Variants in PRDM12 observed in about 807,000 individuals in gnomAD.
PRDM12 encodes the protein PR/SET domain 12.
A neutral mutation model predicts 29.6 loss-of-function variants in PRDM12; 17 were observed. The ratio of observed to expected loss-of-function variants is 0.57; its 90% CI spans 0.39 to 0.86. The LOEUF (loss-of-function observed/expected upper bound fraction) is 0.86, where lower values mean the gene tolerates loss of function less well. Ranked by LOEUF, PRDM12 falls within the 40% of genes least tolerant of loss-of-function variation. PRDM12 has a pLI of 0.00. For missense variants in PRDM12, 422 were observed against 510.8 expected (o/e 0.83, Z 1.68); for synonymous variants, 231 against 225.8 (o/e 1.02, Z -0.21).
intron 3 of PRDM12, among the ~76,000 whole-genome samples, chr9:130,672,907 T>A (rs1268494788): frequency 6.6e-6 from 1 of 152,086 alleles, no homozygotes; most frequent in Non-Finnish European, 1.5e-5. Context: ...ATAATAAAAA[T>A]TCAGAAAGTG....
rs757952444 is a variant in PRDM12, at chr9:130,666,784, A to C, written c.400A>C (p.Asn134His). The change falls in exon 2 of 5, where the codon AAC (asparagine) becomes CAC (histidine). Residue 134 changes from asparagine to histidine, a missense_variant. Asn to His is a moderately conservative substitution (Grantham distance 68). Around this residue, in one of 5 missense-constraint regions of PRDM12, gnomAD observed 300 missense variants for 350.0 expected, o/e 0.86. Coordinates refer to ENST00000253008, the MANE Select transcript of PRDM12 (RefSeq NM_021619.3). ...GCACGTGGACATCTGCAAGAACAAC[A>C]ACCTCATGTGGGAGGTACGCGCGGG... ...PEHVDICKNN[N>H]LMWEVFNEDG... The C allele has an allele frequency of 6.2e-6, 10 of 1,610,276 alleles. No individual in the cohort carries two copies. The Admixed American group carries it at 6.7e-5, about 11-fold the overall frequency.
intron 3 of PRDM12, among the ~76,000 whole-genome samples, chr9:130,677,437 A>G (rs921172010): frequency 2.6e-5 from 4 of 152,212 alleles, no homozygotes; most frequent in African/African-American, 9.6e-5. Context: ...TCTAGATGGA[A>G]TCCCATGCGA....
chr9:130,667,068 G>C (rs1019811691), intron 2 of PRDM12, among the ~76,000 whole-genome samples: 1 of 152,206 alleles, frequency 6.6e-6, no homozygotes. Flanking sequence ...CTTGGCAGAT[G>C]AGGGCACTGA....
rs965981905 is a variant in PRDM12, at chr9:130,668,182, C to T, written c.439C>T (p.Arg147Cys). 1.7e-5 allele frequency: 27 copies of T among 1,614,108 alleles called. No homozygotes were observed. Among genetic ancestry groups the T allele is most frequent in the Middle Eastern group, 3.3e-4 (2 of 6,062 alleles). The change falls in exon 3 of 5, where the codon CGC (arginine) becomes TGC (cysteine). Residue 147 changes from arginine to cysteine, a missense_variant. Physicochemically the swap from Arg to Cys is radical, Grantham distance 180. Transcript: ENST00000253008. This position sits in a 1 kb window ranked among gnomAD's most constrained non-coding sequence, Gnocchi z 4.0. ...WEVFNEDGTV[R>C]YFIDASQEDH... ...GGTGTTCAATGAGGATGGCACGGTG[C>T]GCTACTTCATCGATGCCAGCCAGGA...
At chr9:130,680,902 TAG>T (rs1238683164) in intron 4 of PRDM12, among the ~76,000 whole-genome samples, 1 of 151,876 alleles carries the variant, frequency 6.6e-6, no homozygotes, top group Non-Finnish European at 1.5e-5. Flanking sequence ...AGACCTTTCA[TAG>T]ACGTCTTTTC....
intron 2 of PRDM12, among the ~76,000 whole-genome samples, chr9:130,667,561 A>G (rs939831726): frequency 6.6e-6 from 1 of 151,372 alleles, no homozygotes; most frequent in African/African-American, 2.4e-5. Context: ...GAGAAGCCCA[A>G]CTTGATAGAA....
intron 1 of PRDM12, among the ~76,000 whole-genome samples, chr9:130,665,517 T>C (rs1204773932): frequency 6.6e-6 from 1 of 152,120 alleles, no homozygotes; most frequent in Non-Finnish European, 1.5e-5. Flanking sequence ...TCTCTTAATT[T>C]ACCGTGAAGA....
intron 3 of PRDM12, among the ~76,000 whole-genome samples, chr9:130,669,813 C>A (rs1830771162): frequency 9.8e-6 from 1 of 102,362 alleles, no homozygotes; most frequent in Non-Finnish European, 1.8e-5. Context: ...GAGACTCCAT[C>A]TCAAAAAAAA....
chr9:130,668,237 A>G lies in PRDM12; in HGVS notation c.494A>G (p.Lys165Arg), dbSNP rs1420942356. 6 of 1,614,190 alleles carry G rather than the reference A, an allele frequency of 3.7e-6. No individual in the cohort carries two copies. In the East Asian group the frequency reaches 1.1e-4, roughly 30 times the overall value. The change falls in exon 3 of 5, where the codon AAG becomes AGG. Residue 165 changes from lysine to arginine, a missense_variant. Physicochemically the swap from Lys to Arg is conservative, Grantham distance 26 (BLOSUM62 2). This residue lies in a region of PRDM12 where 300 missense variants were observed against 350.0 expected (regional missense o/e 0.86). Coordinates refer to ENST00000253008, the MANE Select transcript of PRDM12 (RefSeq NM_021619.3). The surrounding 1 kb of genome is among the most constrained non-coding windows in gnomAD (Gnocchi z 4.0). ...CACCGGAGCTGGATGACCTACATCA[A>G]GTGTGCACGTAACGAACAGGAGCAG... ...EDHRSWMTYIKCARNEQEQNL... is the reference protein window; with the variant it reads ...EDHRSWMTYIRCARNEQEQNL...
chr9:130,676,568 C>CA (rs763123176), intron 3 of PRDM12, among the ~76,000 whole-genome samples: 2 of 152,196 alleles, frequency 1.3e-5, no homozygotes, highest in Non-Finnish European at 2.9e-5. Flanking sequence ...CCCTTTCCAG[C>CA]AGGGGCCTCC....
intron 1 of PRDM12, 135 bp downstream of exon 1, chr9:130,665,011 G>A (rs1830718480): frequency 1.1e-6 from 1 of 906,594 alleles, no homozygotes; most frequent in Admixed American, 2.8e-5. Context: ...CCCGGCGCTC[G>A]GTGCACCTCA....
intron 2 of PRDM12, 150 bp downstream of exon 2, chr9:130,666,948 C>G (rs962293499): frequency 9.0e-7 from 1 of 1,111,442 alleles, no homozygotes; most frequent in Admixed American, 3.5e-5. Context: ...GGACTCTAAG[C>G]CGCCCGAGCC....
intron 3 of PRDM12, among the ~76,000 whole-genome samples, chr9:130,677,404 G>T (rs1381118026): frequency 1.3e-5 from 2 of 152,222 alleles, no homozygotes; most frequent in African/African-American, 2.4e-5. Flanking sequence ...CCAACGCGGG[G>T]TCCTGGCCTG....
chr9:130,681,086 T>A lies in PRDM12; in HGVS notation c.683-162T>A, dbSNP rs1443949181. Among the ~76,000 whole-genome samples, 2 of 151,968 alleles carry A rather than the reference T, an allele frequency of 1.3e-5. No individual in the cohort carries two copies. The highest frequency in any genetic ancestry group is 2.9e-5 in the Non-Finnish European group (2 of 67,968). On this transcript the variant is annotated intron_variant, in intron 4 of 4. Transcript: ENST00000253008. This position sits in a 1 kb window ranked among gnomAD's most constrained non-coding sequence, Gnocchi z 8.1. The stretch of plus-strand genomic sequence containing the variant: ...CAGCCGGGGTACCCTTCGCTGTCCC[T>A]CCAGTCCGTCTGCCACCGTCCAAGC...
In PRDM12 at chr9:130,664,806, G is replaced by A. The variant is rs1038433640; in HGVS notation, c.153G>A (p.Glu51=). 3.2e-6 allele frequency: 5 copies of A among 1,577,694 alleles called. No homozygotes were observed. The highest frequency in any genetic ancestry group is 4.3e-6 in the Non-Finnish European group (5 of 1,163,202). ...WRNVLGEQLF[E]DKSHHASPKT... The stretch of plus-strand genomic sequence containing the variant: ...ACGTGCTCGGGGAGCAGCTCTTCGA[G>A]GACAAGAGCCACCACGCCAGCCCCA... The change falls in exon 1 of 5, where the codon GAG becomes GAA. Residue 51 remains glutamate, a synonymous_variant. Coordinates refer to ENST00000253008, the MANE Select transcript of PRDM12 (RefSeq NM_021619.3). This position sits in a 1 kb window ranked among gnomAD's most constrained non-coding sequence, Gnocchi z 6.4.
chr9:130,664,892 G>C lies in PRDM12; in HGVS notation c.223+16G>C, dbSNP rs1157499668. 3 of 1,514,336 alleles carry C rather than the reference G, an allele frequency of 2.0e-6. No homozygotes were observed. In the East Asian group the frequency reaches 7.5e-5, roughly 38 times the overall value. 93.8% of individuals were successfully genotyped at this position (1,514,336 alleles called of 1,614,324 possible). ...TTCTCCGGCGGTGAGTCCAGCCGTC[G>C]GAGCCCGGCGCAATCCCTCCTCCCG... On this transcript the variant is annotated intron_variant, in intron 1 of 4. Coordinates refer to ENST00000253008, the MANE Select transcript of PRDM12 (RefSeq NM_021619.3). This position sits in a 1 kb window ranked among gnomAD's most constrained non-coding sequence, Gnocchi z 6.4.
At chr9:130,675,660 C>G (rs1051734751) in intron 3 of PRDM12, among the ~76,000 whole-genome samples, 4 of 152,238 alleles carry the variant, frequency 2.6e-5, no homozygotes, top group African/African-American at 9.6e-5. Flanking sequence ...ACCCCAAACA[C>G]CACTCAGTGA....
chr9:130,674,864 G>A (rs1830826819), intron 3 of PRDM12, among the ~76,000 whole-genome samples: 1 of 152,118 alleles, frequency 6.6e-6, no homozygotes, highest in Admixed American at 6.6e-5. Flanking sequence ...TACTGCAATA[G>A]TCACCATCAG....
chr9:130,674,007 T>C (rs1830812783), intron 3 of PRDM12, among the ~76,000 whole-genome samples: 1 of 126,342 alleles, frequency 7.9e-6, no homozygotes, highest in Admixed American at 9.6e-5. Flanking sequence ...TCTTTCTTTC[T>C]TTCTTTTTTT....
Sources: gnomAD v4.1 joint callset for allele counts (sites outside exome capture counted in the v4.1 genomes callset) on GRCh38, gnomAD v4.1.1 for gene constraint, gnomAD v4.1.1 regional missense constraint, Gnocchi (gnomAD v3.1) non-coding constraint, MANE v1.5 for transcripts, NCBI Gene and HGNC (gene_info 2026-07-23, HGNC 2026-07-21) for gene names.